UNC5D: variants seen among roughly 807,000 people sequenced by gnomAD.
UNC5D encodes the protein unc-5 netrin receptor D.
UNC5D carries 39 observed loss-of-function variants against 105.4 expected under a neutral mutation model. The ratio of observed to expected loss-of-function variants is 0.37; its 90% CI spans 0.29 to 0.48. The LOEUF (loss-of-function observed/expected upper bound fraction) is 0.48. Among genes scored for constraint, UNC5D ranks in the 20% least tolerant of loss-of-function variants. The probability of loss-of-function intolerance (pLI) is 0.98; values close to 1 mark genes in which losing one functional copy is unlikely to be tolerated. For synonymous variants in UNC5D, 452 were observed against 450.4 expected, an observed-to-expected ratio of 1.00 and a Z score of -0.04; for missense variants, 991 against 1,202.4, an observed-to-expected ratio of 0.82 and a Z score of 2.60.
intron 1 of UNC5D, among the ~76,000 whole-genome samples, chr8:35,363,851 T>C (rs1276412941): frequency 6.6e-6 from 1 of 152,184 alleles, no homozygotes; most frequent in Non-Finnish European, 1.5e-5. Context: ...CCTTAAATAG[T>C]TAATACTGTG....
chr8:35,315,691 C>T (rs1809247370), intron 1 of UNC5D, among the ~76,000 whole-genome samples: 2 of 152,146 alleles, frequency 1.3e-5, no homozygotes, highest in African/African-American at 4.8e-5. Flanking sequence ...TTTATTGCAA[C>T]TTAAAACATC....
At chr8:35,693,399 CATTTGTTTTTTTG>C (rs889127509) in intron 7 of UNC5D, among the ~76,000 whole-genome samples, 2 of 152,096 alleles carry the variant, frequency 1.3e-5, no homozygotes, top group African/African-American at 4.8e-5. Context: ...AAGAAAAAGA[CATTTGTTTTTTTG>C]AACATGATCT....
intron 1 of UNC5D, among the ~76,000 whole-genome samples, chr8:35,366,822 T>A (rs1257091904): frequency 6.6e-6 from 1 of 152,186 alleles, no homozygotes; most frequent in African/African-American, 2.4e-5. Context: ...CTAAGATATA[T>A]TACATATTCT....
At chr8:35,240,500 C>G (rs963947543) in intron 1 of UNC5D, among the ~76,000 whole-genome samples, 1 of 152,044 alleles carries the variant, frequency 6.6e-6, no homozygotes, top group Non-Finnish European at 1.5e-5. Context: ...TCTAAATGCT[C>G]TACAAACATT....
At chr8:35,473,047 A>G (rs992482538) in intron 1 of UNC5D, among the ~76,000 whole-genome samples, 5 of 152,226 alleles carry the variant, frequency 3.3e-5, no homozygotes. Flanking sequence ...TCAAGTTGCC[A>G]ATTGTAGAGT....
At chr8:35,595,755 C>G in intron 4 of UNC5D, 98 bp downstream of exon 4, 1 of 1,045,604 alleles carries the variant, frequency 9.6e-7, no homozygotes, top group Non-Finnish European at 1.4e-6. Flanking sequence ...GTAAAGGAGC[C>G]CATGTCTGGG....
intron 2 of UNC5D, among the ~76,000 whole-genome samples, chr8:35,562,411 C>T (rs1274113905): frequency 6.6e-6 from 1 of 152,100 alleles, no homozygotes; most frequent in Non-Finnish European, 1.5e-5. Context: ...AACCTTTATA[C>T]TGTCTTCTAT....
intron 1 of UNC5D, among the ~76,000 whole-genome samples, chr8:35,293,729 G>A (rs1807252317): frequency 6.6e-6 from 1 of 152,210 alleles, no homozygotes; most frequent in South Asian, 2.1e-4. Context: ...GGCGTTCATA[G>A]CTTTTACTAT....
intron 1 of UNC5D, among the ~76,000 whole-genome samples, chr8:35,329,343 G>T (rs1810420651): frequency 6.6e-6 from 1 of 150,954 alleles, no homozygotes; most frequent in Admixed American, 6.6e-5. Flanking sequence ...ATAGCTTTCA[G>T]CATATAAAAC....
chr8:35,420,724 T>C (rs1375574850), intron 1 of UNC5D, among the ~76,000 whole-genome samples: 2 of 139,906 alleles, frequency 1.4e-5, no homozygotes, highest in African/African-American at 2.6e-5. Context: ...ATTAATTAAA[T>C]GGTATTAATA....
At chr8:35,260,969 C>G (rs972278309) in intron 1 of UNC5D, among the ~76,000 whole-genome samples, 1 of 152,146 alleles carries the variant, frequency 6.6e-6, no homozygotes, top group Admixed American at 6.6e-5. Flanking sequence ...TGATAAAGAA[C>G]ACACTTTGCC....
At chr8:35,522,524 G>A (rs1276302797) in intron 1 of UNC5D, among the ~76,000 whole-genome samples, 1 of 152,124 alleles carries the variant, frequency 6.6e-6, no homozygotes, top group Non-Finnish European at 1.5e-5. Flanking sequence ...GCAAAGAGAG[G>A]AAGTTTCATC....
intron 1 of UNC5D, among the ~76,000 whole-genome samples, chr8:35,456,309 A>AGAT (rs1808492987): frequency 6.6e-6 from 1 of 152,196 alleles, no homozygotes; most frequent in African/African-American, 2.4e-5. Flanking sequence ...GTTAAAACAC[A>AGAT]GATTGCTGGC....
chr8:35,699,943 G>A (rs1586471154), intron 7 of UNC5D, among the ~76,000 whole-genome samples: 3 of 152,190 alleles, frequency 2.0e-5, no homozygotes, highest in Non-Finnish European at 2.9e-5. Context: ...GTTTTAGGAT[G>A]TATACAAGAG....
chr8:35,490,476 A>G (rs1811138816), intron 1 of UNC5D, among the ~76,000 whole-genome samples: 1 of 152,158 alleles, frequency 6.6e-6, no homozygotes, highest in African/African-American at 2.4e-5. Flanking sequence ...GCGAGCTGTG[A>G]TTAAGCCACT....
At chr8:35,389,796 A>T (rs1803660412) in intron 1 of UNC5D, among the ~76,000 whole-genome samples, 1 of 152,062 alleles carries the variant, frequency 6.6e-6, no homozygotes, top group Non-Finnish European at 1.5e-5. Flanking sequence ...TGGGAAGTTA[A>T]AGGGATTGAG....
At chr8:35,253,240 G>A (rs1803833084) in intron 1 of UNC5D, among the ~76,000 whole-genome samples, 1 of 151,566 alleles carries the variant, frequency 6.6e-6, no homozygotes, top group Non-Finnish European at 1.5e-5. Context: ...GTTATTTATG[G>A]TATGTTCTCA....
chr8:35,306,790 C>T (rs1390508384), intron 1 of UNC5D, among the ~76,000 whole-genome samples: 2 of 152,122 alleles, frequency 1.3e-5, no homozygotes, highest in Admixed American at 6.6e-5. Flanking sequence ...GATGGCTAGA[C>T]ATTTTTCTAT....
chr8:35,295,219 T>A (rs1345334019), intron 1 of UNC5D, among the ~76,000 whole-genome samples: 1 of 152,210 alleles, frequency 6.6e-6, no homozygotes, highest in African/African-American at 2.4e-5. Flanking sequence ...TAAGTGTTTG[T>A]GTGCATAAAT....
Sources: gnomAD v4.1 joint callset for allele counts (sites outside exome capture counted in the v4.1 genomes callset) on GRCh38, gnomAD v4.1.1 for gene constraint, MANE v1.5 for transcripts, NCBI Gene and HGNC (gene_info 2026-07-23, HGNC 2026-07-21) for gene names.